The following DPP9 variants were observed in gnomAD, a reference collection of about 807,000 sequenced individuals.
DPP9 encodes the protein dipeptidyl peptidase IV-related protein-2.
A neutral mutation model predicts 110.7 loss-of-function variants in DPP9; 50 were observed. That is an observed-to-expected ratio of 0.45 (90% CI 0.36 to 0.57). The LOEUF (loss-of-function observed/expected upper bound fraction) is 0.57. DPP9 is among the 20% of genes least tolerant of loss of function. DPP9 has a pLI of 0.00. For synonymous variants in DPP9, 561 were observed against 514.4 expected, an observed-to-expected ratio of 1.09 and a Z score of -1.23; for missense variants, 1,022 against 1,217.9, an observed-to-expected ratio of 0.84 and a Z score of 2.39.
Position 4,692,274 on chromosome 19 carries a change from C to A in DPP9, c.1517-1317G>T, listed in dbSNP as rs369517272. Reference sequence around the variant, plus strand: ...GGTGCATCATGGCACACAGCAGAAACACACTGAGATGGTTTGTAACTGAGG... The same window carrying A: ...GGTGCATCATGGCACACAGCAGAAAAACACTGAGATGGTTTGTAACTGAGG... On this transcript the variant is annotated intron_variant, in intron 13 of 21. Transcript: ENST00000262960. Among the ~76,000 whole-genome samples, 344 of 152,240 alleles carry A rather than the reference C, an allele frequency of 2.3e-3. 1 individual carries two copies. Among genetic ancestry groups the A allele is most frequent in the Non-Finnish European group, 3.2e-3 (219 of 68,006 alleles).
Position 4,685,730 on chromosome 19 carries a change from G to A in DPP9, c.1927C>T (p.His643Tyr), listed in dbSNP as rs773098991. 6.2e-7 allele frequency: 1 copy of A among 1,613,526 alleles called. No individual in the cohort carries two copies. The highest frequency in any genetic ancestry group is 1.1e-5 in the South Asian group (1 of 91,068). The change falls in exon 17 of 22, where the codon CAC becomes TAC. Residue 643 changes from histidine (H) to tyrosine (Y), a missense_variant. By Grantham distance (83) the His-to-Tyr change is moderately conservative (BLOSUM62 2). Around this residue, in one of 3 missense-constraint regions of DPP9, gnomAD observed 810 missense variants for 920.6 expected, o/e 0.88. Coordinates refer to ENST00000262960, the MANE Select transcript of DPP9 (RefSeq NM_139159.5). The surrounding 1 kb of genome is among the most constrained non-coding windows in gnomAD (Gnocchi z 5.8). ...TAGAGCCGCACATCCGAGCGCGTGT[G>A]GAAATGGAAGATCTCTGGAGGAACA... ...DYVPPEIFHFHTRSDVRLYGM... is the reference protein window; with the variant it reads ...DYVPPEIFHFYTRSDVRLYGM...
intron 19 of DPP9, 181 bp from the exon 20 acceptor site, chr19:4,683,019 TG>T (rs778390100): frequency 1.3e-6 from 2 of 1,523,232 alleles, no homozygotes; most frequent in South Asian, 2.4e-5. Flanking sequence ...GTGCGTGGCA[TG>T]GGGGTGGGCA....
chr19:4,694,630 G>C lies in DPP9; in HGVS notation c.1516+31C>G, dbSNP rs200834084. On this transcript the variant is annotated intron_variant, in intron 13 of 21. Coordinates refer to ENST00000262960, the MANE Select transcript of DPP9 (RefSeq NM_139159.5). This position sits in a 1 kb window ranked among gnomAD's most constrained non-coding sequence, Gnocchi z 4.0. ...TTGAACCACACGTGACTAACGCGAT[G>C]AGTCGACAGCATTCGTCAGGCTCTG... The C allele has an allele frequency of 4.4e-6, 7 of 1,599,908 alleles. No individual in the cohort carries two copies. In the Admixed American group the frequency reaches 6.9e-5, roughly 16 times the overall value.
chr19:4,706,243 T>A (rs1271856741), intron 4 of DPP9, among the ~76,000 whole-genome samples: 3 of 148,238 alleles, frequency 2.0e-5, no homozygotes, highest in Non-Finnish European at 3.0e-5. Flanking sequence ...TTGTTTGTAA[T>A]CCCAGCACTT....
At chr19:4,716,698 C>A (rs1203975925) in intron 3 of DPP9, among the ~76,000 whole-genome samples, 1 of 151,852 alleles carries the variant, frequency 6.6e-6, no homozygotes, top group Non-Finnish European at 1.5e-5. Flanking sequence ...CTCATTTGGG[C>A]CTTACTTGGG....
rs1024266461 is a variant in DPP9 at position 4,719,938 on chromosome 19, G to A, written c.-32C>T. 53 of 1,551,366 alleles carry A rather than the reference G, an allele frequency of 3.4e-5. No individual in the cohort carries two copies. Among genetic ancestry groups the A allele is most frequent in the Non-Finnish European group, 4.0e-5 (46 of 1,146,852 alleles). On this transcript the variant is annotated 5_prime_UTR_variant, in exon 3 of 22. Transcript: ENST00000262960. Reference sequence around the variant, plus strand: ...CTCAGCTGACCTCAGGAGGGCAGGGGTGCCTGCGGGCAAGTGGGAGGAGAG... The same window carrying A: ...CTCAGCTGACCTCAGGAGGGCAGGGATGCCTGCGGGCAAGTGGGAGGAGAG...
intron 4 of DPP9, among the ~76,000 whole-genome samples, chr19:4,713,145 G>A (rs1046779766): frequency 1.3e-5 from 2 of 152,240 alleles, no homozygotes; most frequent in Admixed American, 1.3e-4. Flanking sequence ...TGCAGTGGCC[G>A]GACGGCCCCA....
In DPP9 at chr19:4,700,449, C is replaced by T. The variant is rs964825981; in HGVS notation, c.1013-172G>A. Among the ~76,000 whole-genome samples, 1 of 152,196 alleles carries T rather than the reference C, an allele frequency of 6.6e-6. No individual in the cohort carries two copies. The highest frequency in any genetic ancestry group is 1.5e-5 in the Non-Finnish European group (1 of 68,036). On this transcript the variant is annotated intron_variant, in intron 9 of 21. Transcript: ENST00000262960. The surrounding 1 kb of genome is among the most constrained non-coding windows in gnomAD (Gnocchi z 4.3). The stretch of plus-strand genomic sequence containing the variant: ...GTCTGTCTGTAGGCACATCGTCCTG[C>T]TGGAACAGGCATGACACCCTCAGGT...
rs144973040 is a variant in DPP9 at position 4,709,700 on chromosome 19, G to A, written c.314-3730C>T. ...GTGAATGTTCTAGAAGTAGACAATG[G>A]TGATGGCTGCACAACTCTGTGAATG... On this transcript the variant is annotated intron_variant, in intron 4 of 21. Coordinates refer to ENST00000262960, the MANE Select transcript of DPP9 (RefSeq NM_139159.5). 1.7e-3 allele frequency among the ~76,000 whole-genome samples: 257 copies of A among 152,262 alleles called. 4 individuals carry two copies. The highest frequency in any genetic ancestry group is 5.8e-3 in the African/African-American group (241 of 41,542).
chr19:4,685,597 G>A lies in DPP9; in HGVS notation c.2031+29C>T. 1 of 1,581,914 alleles carries A rather than the reference G, an allele frequency of 6.3e-7. No homozygotes were observed. The highest frequency in any genetic ancestry group is 1.3e-5 in the African/African-American group (1 of 74,554). ...GGAGTCCTCGGGTGGATGGTGGGGT[G>A]GGGGCCTGGGGAGCAGGTGTGCACT... On this transcript the variant is annotated intron_variant, in intron 17 of 21. Coordinates refer to ENST00000262960, the MANE Select transcript of DPP9 (RefSeq NM_139159.5). The surrounding 1 kb of genome is among the most constrained non-coding windows in gnomAD (Gnocchi z 5.8).
Position 4,684,506 on chromosome 19 carries a change from G to A in DPP9, c.2178+157C>T, listed in dbSNP as rs2145407505. 1 of 783,118 alleles carries A rather than the reference G, an allele frequency of 1.3e-6. No individual in the cohort carries two copies. Among genetic ancestry groups the A allele is most frequent in the East Asian group, 2.7e-5 (1 of 37,204 alleles). The allele number at this position is 783,118 out of a possible 1,614,324, so 48.5% of individuals were successfully genotyped here. A position where few individuals can be genotyped will look rare whatever the true frequency, so the allele number is the denominator to read the frequency against. On this transcript the variant is annotated intron_variant, in intron 18 of 21. Transcript: ENST00000262960. This position sits in a 1 kb window ranked among gnomAD's most constrained non-coding sequence, Gnocchi z 4.8. ...AGCAGCAAAGCATACATCCCCTTTT[G>A]TTCTAAAAGGGCGCCTCATTGAGCC...
chr19:4,699,292 A>G (rs1235770857), intron 10 of DPP9, among the ~76,000 whole-genome samples: 1 of 151,242 alleles, frequency 6.6e-6, no homozygotes, highest in Non-Finnish European at 1.5e-5. Flanking sequence ...GGTGCAGGGG[A>G]AGGGAGGGTT....
rs1402390027 is a variant in DPP9 at position 4,695,494 on chromosome 19, C to A, written c.1237G>T (p.Ala413Ser). 2 of 1,560,052 alleles carry A rather than the reference C, an allele frequency of 1.3e-6. No homozygotes were observed. Among genetic ancestry groups the A allele is most frequent in the South Asian group, 1.2e-5 (1 of 83,218 alleles). Residue 413 changes from alanine (A) to serine (S), a missense_variant, in exon 12 of 22, where the codon GCC becomes TCC. Physicochemically the swap from Ala to Ser is moderately conservative, Grantham distance 99. Transcript: ENST00000262960. This position sits in a 1 kb window ranked among gnomAD's most constrained non-coding sequence, Gnocchi z 4.7. ...QWLQLVLLPP[A>S]LFIPSTENEE... ...TTCTCTGTGCTCGGGATGAACAGGGCCGGGGGGAGGAGGACGAGCTGGAGC... is the reference window on the plus strand; with the variant it reads ...TTCTCTGTGCTCGGGATGAACAGGGACGGGGGGAGGAGGACGAGCTGGAGC...
chr19:4,713,965 G>A (rs2092958041), intron 4 of DPP9, 116 bp downstream of exon 4: 3 of 1,406,804 alleles, frequency 2.1e-6, no homozygotes, highest in Non-Finnish European at 2.8e-6. Context: ...CATGCCCAGG[G>A]CCCAGCCATC....
intron 21 of DPP9, 153 bp downstream of exon 21, chr19:4,679,682 C>T (rs1490144368): frequency 8.3e-6 from 5 of 602,098 alleles, no homozygotes; most frequent in South Asian, 3.9e-5. Context: ...GCTGGGAGGG[C>T]GGGGACACAG....
intron 7 of DPP9, among the ~76,000 whole-genome samples, chr19:4,703,340 A>G (rs980164944): frequency 7.2e-5 from 11 of 151,976 alleles, no homozygotes; most frequent in Admixed American, 4.6e-4. Context: ...AAAACCACAG[A>G]GCGGCAGGGT....
chr19:4,695,976 C>T lies in DPP9; in HGVS notation c.1176-421G>A. Among the ~76,000 whole-genome samples the T allele has an allele frequency of 6.6e-6, 1 of 152,220 alleles. No individual in the cohort carries two copies. The highest frequency in any genetic ancestry group is 1.9e-4 in the East Asian group (1 of 5,202). On this transcript the variant is annotated intron_variant, in intron 11 of 21. Coordinates refer to ENST00000262960, the MANE Select transcript of DPP9 (RefSeq NM_139159.5). The surrounding 1 kb of genome is among the most constrained non-coding windows in gnomAD (Gnocchi z 4.7). ...AGTATAGTGGCACAATCTCAGCTCACTGCAACCTCCACATCCCAGGTTCAA... is the reference window on the plus strand; with the variant it reads ...AGTATAGTGGCACAATCTCAGCTCATTGCAACCTCCACATCCCAGGTTCAA...
At position 4,684,991 on chromosome 19, in the gene DPP9, C is replaced by CG. The variant is rs1568304176; in HGVS notation, c.2032-183dup. 1 of 763,996 alleles carries CG rather than the reference C, an allele frequency of 1.3e-6. No homozygotes were observed. Among genetic ancestry groups the CG allele is most frequent in the Admixed American group, 2.0e-5 (1 of 49,774 alleles). The allele number at this position is 763,996 out of a possible 1,614,324, so 47.3% of individuals were successfully genotyped here. ...TGGCAAGGCGGGAGGGGCCCATACT[C>CG]GGGACCCTGCTAGGGAGGGGGAAGG... is the stretch of plus-strand genomic sequence containing the variant. On this transcript the variant is annotated intron_variant, in intron 17 of 21. Transcript: ENST00000262960. This position sits in a 1 kb window ranked among gnomAD's most constrained non-coding sequence, Gnocchi z 4.8.
Position 4,720,181 on chromosome 19 carries a change from G to A in DPP9, c.-35-240C>T, listed in dbSNP as rs553922453. Among the ~76,000 whole-genome samples the A allele has an allele frequency of 9.2e-5, 14 of 152,320 alleles. No homozygotes were observed. The South Asian group carries it at 2.5e-3, about 27-fold the overall frequency. On this transcript the variant is annotated intron_variant, in intron 2 of 21. Coordinates refer to ENST00000262960, the MANE Select transcript of DPP9 (RefSeq NM_139159.5). ...CTCAACAGGAGGTTCCTTTCAAGGTGTAAAGTCCCTGGGAGTTTCAAGTGA... is the reference window on the plus strand; with the variant it reads ...CTCAACAGGAGGTTCCTTTCAAGGTATAAAGTCCCTGGGAGTTTCAAGTGA...
Sources: allele counts gnomAD v4.1 joint callset (sites outside exome capture counted in the v4.1 genomes callset), GRCh38; gene constraint gnomAD v4.1.1; regional missense constraint gnomAD v4.1.1; non-coding constraint Gnocchi (gnomAD v3.1); transcripts MANE v1.5; gene names NCBI Gene and HGNC (gene_info 2026-07-23, HGNC 2026-07-21).